Variants in SPHKAP observed in about 807,000 individuals in gnomAD.
SPHKAP encodes the protein A-kinase anchor protein SPHKAP.
A neutral mutation model predicts 137.5 loss-of-function variants in SPHKAP; 67 were observed. That is an observed-to-expected ratio of 0.49 (90% CI 0.40 to 0.60). The LOEUF is 0.60. Ranked by LOEUF, SPHKAP falls within the 20% of genes least tolerant of loss-of-function variation. SPHKAP has a pLI of 0.00. For synonymous variants in SPHKAP, 813 were observed against 785.3 expected (o/e 1.04, Z -0.59); for missense variants, 2,097 against 2,069.3 (o/e 1.01, Z -0.26).
intron 2 of SPHKAP, among the ~76,000 whole-genome samples, chr2:228,125,882 G>A (rs989344543): frequency 2.0e-5 from 3 of 152,078 alleles, no homozygotes; most frequent in African/African-American, 7.2e-5. Context: ...TTCGAGAACA[G>A]CCTGGCCAAC....
chr2:228,003,987 A>G (rs921059105), intron 7 of SPHKAP, among the ~76,000 whole-genome samples: 3 of 152,220 alleles, frequency 2.0e-5, no homozygotes, highest in African/African-American at 7.2e-5. Flanking sequence ...GGACTTTTGC[A>G]TCGATGTTCA....
chr2:228,181,531 G>A lies in SPHKAP; in HGVS notation c.32+36C>T. ...TCACAACGCGGAACGGAGTTTGATC[G>A]ACATGGTATTGGGCATAGAAAGAAG... is the stretch of plus-strand genomic sequence containing the variant. On this transcript the variant is annotated intron_variant, in intron 1 of 11. Coordinates refer to ENST00000392056, the MANE Select transcript of SPHKAP (RefSeq NM_001142644.2). This position sits in a 1 kb window ranked among gnomAD's most constrained non-coding sequence, Gnocchi z 4.3. 2 of 1,614,122 alleles carry A rather than the reference G, an allele frequency of 1.2e-6. No individual in the cohort carries two copies. The highest frequency in any genetic ancestry group is 2.2e-5 in the South Asian group (2 of 91,068).
intron 2 of SPHKAP, among the ~76,000 whole-genome samples, chr2:228,119,612 T>C (rs999335151): frequency 2.0e-5 from 3 of 152,038 alleles, no homozygotes; most frequent in Non-Finnish European, 4.4e-5. Context: ...TTTTCTACTC[T>C]GGGATATAAA....
intron 1 of SPHKAP, among the ~76,000 whole-genome samples, chr2:228,132,843 C>CAAAAAAAAAAAAAAA (rs1313392929): frequency 3.2e-5 from 4 of 126,266 alleles, no homozygotes; most frequent in Non-Finnish European, 5.0e-5. Context: ...ACTAAAAATA[C>CAAAAAAAAAAAAAAA]AAAAAAAAAA....
In SPHKAP at chr2:228,017,584, G is replaced by A. The variant is rs1242494537; in HGVS notation, c.3270C>T (p.Asp1090=). 2.5e-6 allele frequency: 4 copies of A among 1,613,782 alleles called. No homozygotes were observed. Among genetic ancestry groups the A allele is most frequent in the Non-Finnish European group, 3.4e-6 (4 of 1,180,038 alleles). Residue 1090 remains aspartate (D), a synonymous_variant, in exon 7 of 12, where the codon GAC becomes GAT. Coordinates refer to ENST00000392056, the MANE Select transcript of SPHKAP (RefSeq NM_001142644.2). ...TGTTGACATAGGCCCTGGCCTCGGAGTCTTCCTCAGGAATGCTTTCGCAGC... is the reference window on the plus strand; with the variant it reads ...TGTTGACATAGGCCCTGGCCTCGGAATCTTCCTCAGGAATGCTTTCGCAGC... The part of the protein sequence containing the change: ...ASSCESIPEE[D]SEARAYVNSL...
chr2:228,152,276 CT>C (rs1218250061), intron 1 of SPHKAP, among the ~76,000 whole-genome samples: 1 of 152,026 alleles, frequency 6.6e-6, no homozygotes, highest in Non-Finnish European at 1.5e-5. Flanking sequence ...ATAATTTCTT[CT>C]TGTAATTCTG....
At chr2:228,040,331 TTC>T (rs1024474340) in intron 3 of SPHKAP, among the ~76,000 whole-genome samples, 4 of 152,138 alleles carry the variant, frequency 2.6e-5, no homozygotes, top group Admixed American at 1.3e-4. Context: ...ACCAAAAGGC[TTC>T]TGTTAGATTC....
At chr2:228,067,627 C>T (rs1334263718) in intron 3 of SPHKAP, among the ~76,000 whole-genome samples, 1 of 152,110 alleles carries the variant, frequency 6.6e-6, no homozygotes, top group Non-Finnish European at 1.5e-5. Flanking sequence ...AGCACTTATG[C>T]ATGTCTCTGT....
intron 3 of SPHKAP, among the ~76,000 whole-genome samples, chr2:228,095,611 C>T (rs558300234): frequency 8.8e-4 from 133 of 151,610 alleles, no homozygotes; most frequent in Non-Finnish European, 1.3e-3. Flanking sequence ...TGGTAAGAAA[C>T]GTGAGCTAGA....
At chr2:228,094,138 A>G (rs191886728) in intron 3 of SPHKAP, among the ~76,000 whole-genome samples, 2 of 152,330 alleles carry the variant, frequency 1.3e-5, no homozygotes, top group South Asian at 2.1e-4. Context: ...CCTCAAATAA[A>G]CATGATAATC....
chr2:227,987,360 T>C (rs1693250563), intron 11 of SPHKAP, among the ~76,000 whole-genome samples: 1 of 152,196 alleles, frequency 6.6e-6, no homozygotes, highest in Admixed American at 6.5e-5. Flanking sequence ...CTATTTACAA[T>C]CTGAGCTTCT....
At chr2:228,079,555 C>T (rs891510667) in intron 3 of SPHKAP, among the ~76,000 whole-genome samples, 4 of 152,220 alleles carry the variant, frequency 2.6e-5, no homozygotes, top group Non-Finnish European at 5.9e-5. Context: ...AGGCCTTTCC[C>T]ATCACTGGGC....
rs770645203 is a variant in SPHKAP, at chr2:228,017,686, G to C, written c.3168C>G (p.Asp1056Glu). Residue 1056 changes from aspartate to glutamate, a missense_variant, in exon 7 of 12, where the codon GAC (aspartate) becomes GAG (glutamate). By Grantham distance (45) the Asp-to-Glu change is conservative. Coordinates refer to ENST00000392056, the MANE Select transcript of SPHKAP (RefSeq NM_001142644.2). ...IMNLTEFSMV[D>E]GMWQAQGYPR... is the part of the protein sequence containing the mutation. ...GATAGCCCTGCGCCTGCCACATGCC[G>C]TCCACCATAGAGAACTCCGTTAGGT... is the stretch of plus-strand genomic sequence containing the variant. 3.1e-6 allele frequency: 5 copies of C among 1,613,932 alleles called. No individual in the cohort carries two copies. The highest frequency in any genetic ancestry group is 3.4e-6 in the Non-Finnish European group (4 of 1,179,972).
At chr2:228,141,790 A>G (rs1291032707) in intron 1 of SPHKAP, among the ~76,000 whole-genome samples, 1 of 152,194 alleles carries the variant, frequency 6.6e-6, no homozygotes, top group African/African-American at 2.4e-5. Context: ...ACAGAAGACT[A>G]ATCTGATATT....
At chr2:228,131,070 T>A (rs1290041594) in intron 2 of SPHKAP, among the ~76,000 whole-genome samples, 1 of 152,086 alleles carries the variant, frequency 6.6e-6, no homozygotes, top group African/African-American at 2.4e-5. Flanking sequence ...AAGCAGAGAA[T>A]TATTAATGCT....
intron 7 of SPHKAP, among the ~76,000 whole-genome samples, chr2:228,002,771 C>T (rs58235765): frequency 0.013 from 1,983 of 152,264 alleles, 45 homozygotes; most frequent in African/African-American, 0.045. Context: ...GATCCAGTTT[C>T]AGCTTTCTAC....
chr2:228,008,562 T>C (rs1256596466), intron 7 of SPHKAP, among the ~76,000 whole-genome samples: 1 of 152,216 alleles, frequency 6.6e-6, no homozygotes. Context: ...CCCAAAGTGC[T>C]GGGATTATAG....
intron 3 of SPHKAP, among the ~76,000 whole-genome samples, chr2:228,033,445 C>A (rs1033347497): frequency 8.6e-5 from 13 of 152,046 alleles, no homozygotes; most frequent in African/African-American, 2.7e-4. Flanking sequence ...GTTTAACACC[C>A]CACTGTCAAC....
intron 3 of SPHKAP, among the ~76,000 whole-genome samples, chr2:228,065,883 T>A: frequency 6.6e-6 from 1 of 152,194 alleles, no homozygotes; most frequent in South Asian, 2.1e-4. Context: ...GAGATGAATA[T>A]CCTGCCTGCA....
Sources: gnomAD v4.1 joint callset for allele counts (sites outside exome capture counted in the v4.1 genomes callset) on GRCh38, gnomAD v4.1.1 for gene constraint, Gnocchi (gnomAD v3.1) non-coding constraint, MANE v1.5 for transcripts, NCBI Gene and HGNC (gene_info 2026-07-23, HGNC 2026-07-21) for gene names.